Variants in ADCY8 observed in about 807,000 individuals in gnomAD.
ADCY8 encodes the protein adenylate cyclase type 8.
Under a neutral mutation model 119.7 loss-of-function variants are expected in ADCY8, and 51 were observed. The ratio of observed to expected loss-of-function variants is 0.43; its 90% CI spans 0.34 to 0.54. The LOEUF is 0.54. Among genes scored for constraint, ADCY8 ranks in the 20% least tolerant of loss-of-function variants. The pLI is 0.03. For missense variants in ADCY8, 1,383 were observed against 1,598.8 expected (o/e 0.87, Z 2.30); for synonymous variants, 665 against 651.0 (o/e 1.02, Z -0.33).
Position 131,040,305 on chromosome 8 carries a change from G to T in ADCY8, c.29C>A (p.Thr10Lys). 1 of 1,543,844 alleles carries T rather than the reference G, an allele frequency of 6.5e-7. No homozygotes were observed. Among genetic ancestry groups the T allele is most frequent in the Admixed American group, 2.0e-5 (1 of 50,038 alleles). ...GATGGTGTAGAGTTCCTCGCTGCCTGTAAGGCAGCGCACATCGGAGAGCTC... is the reference window on the plus strand; with the variant it reads ...GATGGTGTAGAGTTCCTCGCTGCCTTTAAGGCAGCGCACATCGGAGAGCTC... MELSDVRCL[T>K]GSEELYTIHP... The change falls in exon 1 of 18, where the codon ACA becomes AAA. Residue 10 changes from threonine to lysine, a missense_variant. Around this residue, in one of 2 missense-constraint regions of ADCY8, gnomAD observed 455 missense variants for 435.3 expected, o/e 1.05. Transcript: ENST00000286355.
intron 5 of ADCY8, among the ~76,000 whole-genome samples, chr8:130,927,398 G>T (rs1820504393): frequency 6.6e-6 from 1 of 152,078 alleles, no homozygotes; most frequent in African/African-American, 2.4e-5. Context: ...CTTCTTTTGA[G>T]AAATGTATAT....
chr8:131,022,460 T>C (rs1823702916), intron 1 of ADCY8, among the ~76,000 whole-genome samples: 1 of 152,224 alleles, frequency 6.6e-6, no homozygotes, highest in South Asian at 2.1e-4. Flanking sequence ...ACTCATCCTT[T>C]TTTATGGTTG....
At chr8:131,030,004 A>G (rs1002776266) in intron 1 of ADCY8, among the ~76,000 whole-genome samples, 14 of 152,220 alleles carry the variant, frequency 9.2e-5, no homozygotes, top group African/African-American at 3.4e-4. Flanking sequence ...TGGATAAGAT[A>G]CAATTCTTGA....
intron 15 of ADCY8, among the ~76,000 whole-genome samples, chr8:130,797,592 A>G (rs950754794): frequency 1.1e-4 from 16 of 152,204 alleles, no homozygotes; most frequent in African/African-American, 3.4e-4. Flanking sequence ...ACTTAACAAG[A>G]TACAAGAATA....
At chr8:130,886,353 G>A (rs906931057) in intron 7 of ADCY8, among the ~76,000 whole-genome samples, 14 of 152,132 alleles carry the variant, frequency 9.2e-5, no homozygotes, top group African/African-American at 3.1e-4. Flanking sequence ...TTAGGGGGTG[G>A]CATGTTAGGA....
intron 1 of ADCY8, among the ~76,000 whole-genome samples, chr8:131,016,337 T>C (rs1480458140): frequency 2.0e-5 from 3 of 151,644 alleles, no homozygotes; most frequent in Admixed American, 2.0e-4. Context: ...GTCTAGGCAA[T>C]AGAGTAAGTA....
chr8:130,925,036 A>T (rs2130593404), intron 5 of ADCY8, among the ~76,000 whole-genome samples: 2 of 94,664 alleles, frequency 2.1e-5, no homozygotes, highest in South Asian at 6.1e-4. Context: ...TCTACTAAAA[A>T]TACAAAAAAA....
chr8:130,939,279 T>C (rs1235629309), intron 4 of ADCY8, among the ~76,000 whole-genome samples: 1 of 152,222 alleles, frequency 6.6e-6, no homozygotes. Context: ...TTTAACATTA[T>C]GAAAACTCAC....
At chr8:130,880,554 A>C (rs1818731060) in intron 8 of ADCY8, among the ~76,000 whole-genome samples, 1 of 152,202 alleles carries the variant, frequency 6.6e-6, no homozygotes, top group Non-Finnish European at 1.5e-5. Context: ...TGACTAAAGA[A>C]GGGCAAATGA....
At chr8:131,037,131 G>A (rs115149336) in intron 1 of ADCY8, among the ~76,000 whole-genome samples, 103 of 152,300 alleles carry the variant, frequency 6.8e-4, no homozygotes, top group African/African-American at 2.5e-3. Context: ...CAGCACTGAA[G>A]TGAGGGGAGA....
chr8:130,829,829 A>G (rs1816775382), intron 12 of ADCY8, among the ~76,000 whole-genome samples: 1 of 152,244 alleles, frequency 6.6e-6, no homozygotes, highest in Non-Finnish European at 1.5e-5. Flanking sequence ...TTACTTCTAT[A>G]TTGACATTTC....
intron 5 of ADCY8, among the ~76,000 whole-genome samples, chr8:130,929,486 G>A (rs1343460775): frequency 1.3e-5 from 2 of 152,030 alleles, no homozygotes; most frequent in African/African-American, 4.8e-5. Flanking sequence ...ATACCCTTGT[G>A]GTCAGAAAAT....
intron 2 of ADCY8, among the ~76,000 whole-genome samples, chr8:130,988,913 C>G (rs1025583586): frequency 6.6e-6 from 1 of 152,174 alleles, no homozygotes; most frequent in South Asian, 2.1e-4. Context: ...AATTTCAGCT[C>G]TTGTTGTGAC....
In ADCY8 at chr8:131,037,597, C is replaced by T. The variant is rs1824199983; in HGVS notation, c.960+1777G>A. 2.0e-5 allele frequency among the ~76,000 whole-genome samples: 3 copies of T among 151,798 alleles called. No individual in the cohort carries two copies. The South Asian group carries it at 6.2e-4, about 32-fold the overall frequency. ...TCTTATACATGATCAGATAGCTATG[C>T]TTTATCGTGAAAACAACTCATAGTG... On this transcript the variant is annotated intron_variant, in intron 1 of 17. Transcript: ENST00000286355.
chr8:130,863,766 C>T (rs1818024409), intron 9 of ADCY8, among the ~76,000 whole-genome samples: 1 of 152,090 alleles, frequency 6.6e-6, no homozygotes, highest in African/African-American at 2.4e-5. Context: ...TTCCTTATGT[C>T]CCTTGTGACA....
intron 11 of ADCY8, among the ~76,000 whole-genome samples, chr8:130,838,504 G>A (rs1427673896): frequency 1.0e-5 from 1 of 96,356 alleles, no homozygotes; most frequent in Admixed American, 1.1e-4. Context: ...CTGCTCCAGA[G>A]AAACTCTAAG....
In ADCY8 at chr8:130,910,025, C is replaced by T. The variant is rs147646592; in HGVS notation, c.1482-159G>A. Among the ~76,000 whole-genome samples, 773 of 151,068 alleles carry T rather than the reference C, an allele frequency of 5.1e-3. 5 individuals are homozygous for T. Among genetic ancestry groups the T allele is most frequent in the African/African-American group, 0.018 (744 of 41,178 alleles). On this transcript the variant is annotated intron_variant, in intron 5 of 17. Coordinates refer to ENST00000286355, the MANE Select transcript of ADCY8 (RefSeq NM_001115.3). ...CTGCAACCTCTGCCTCCCGGGTTCA[C>T]GCTATTCTCCTGCCTCAGCCTTGAT...
intron 8 of ADCY8, among the ~76,000 whole-genome samples, chr8:130,882,670 A>G (rs1187854446): frequency 6.6e-6 from 1 of 152,184 alleles, no homozygotes; most frequent in Non-Finnish European, 1.5e-5. Context: ...ACCAAGTATA[A>G]AATGAAGCTC....
chr8:130,848,511 C>T (rs1817404527), intron 10 of ADCY8, among the ~76,000 whole-genome samples: 1 of 152,182 alleles, frequency 6.6e-6, no homozygotes, highest in South Asian at 2.1e-4. Flanking sequence ...AGGACAACCA[C>T]AGAACTTAAG....
Sources: gnomAD v4.1 joint callset for allele counts (sites outside exome capture counted in the v4.1 genomes callset) on GRCh38, gnomAD v4.1.1 for gene constraint, gnomAD v4.1.1 regional missense constraint, MANE v1.5 for transcripts, NCBI Gene and HGNC (gene_info 2026-07-23, HGNC 2026-07-21) for gene names.